CUL3: variants seen among roughly 807,000 people sequenced by gnomAD.
The protein encoded by CUL3 is cullin-3.
Under a neutral mutation model 89.1 loss-of-function variants are expected in CUL3, and 19 were observed. The observed-to-expected ratio is 0.21, with a 90% CI of 0.15 to 0.31. The LOEUF is 0.31. Ranked by LOEUF, CUL3 falls within the 10% of genes least tolerant of loss-of-function variation. The probability of loss-of-function intolerance (pLI) is 1.00; values close to 1 mark genes in which losing one functional copy is unlikely to be tolerated. For missense variants in CUL3, 469 were observed against 942.3 expected, an observed-to-expected ratio of 0.50 and a Z score of 6.58; for synonymous variants, 351 against 308.4, an observed-to-expected ratio of 1.14 and a Z score of -1.45.
At position 224,538,603 on chromosome 2, in the gene CUL3, G is replaced by A. The variant is rs539680676; in HGVS notation, c.265-2962C>T. ...TAGTACCAGAACCAAAACAGCCTATGGATTAAGTATGAACAGATAATTAAA... is the reference window on the plus strand; with the variant it reads ...TAGTACCAGAACCAAAACAGCCTATAGATTAAGTATGAACAGATAATTAAA... On this transcript the variant is annotated intron_variant, in intron 2 of 15. Coordinates refer to ENST00000264414, the MANE Select transcript of CUL3 (RefSeq NM_003590.5). 2.6e-5 allele frequency among the ~76,000 whole-genome samples: 4 copies of A among 152,212 alleles called. No homozygotes were observed. In the East Asian group the frequency reaches 7.7e-4, roughly 29 times the overall value.
chr2:224,476,960 A>G (rs1396476986), intron 15 of CUL3, among the ~76,000 whole-genome samples: 1 of 152,112 alleles, frequency 6.6e-6, no homozygotes, highest in Non-Finnish European at 1.5e-5. Context: ...TTTCCTTCTC[A>G]AGGCACTACC....
At chr2:224,531,872 T>G (rs368080943) in intron 3 of CUL3, among the ~76,000 whole-genome samples, 1 of 151,976 alleles carries the variant, frequency 6.6e-6, no homozygotes, top group African/African-American at 2.4e-5. Flanking sequence ...CTGGGAGCAA[T>G]ATGGAAAACA....
At position 224,506,028 on chromosome 2, in the gene CUL3, G is replaced by A. The variant is rs371477431; in HGVS notation, c.1134C>T (p.Leu378=). The part of the protein sequence containing the change: ...QTIAGDFEYF[L]NLNSRSPEYL... ...ATTCAGGAGACCTGGAGTTGAGGTT[G>A]AGAAAATACTCAAAGTCACCCGCAA... The change falls in exon 8 of 16, where the codon CTC becomes CTT. Residue 378 remains leucine (L), a synonymous_variant. Coordinates refer to ENST00000264414, the MANE Select transcript of CUL3 (RefSeq NM_003590.5). 42 of 1,612,450 alleles carry A rather than the reference G, an allele frequency of 2.6e-5. No homozygotes were observed. The highest frequency in any genetic ancestry group is 3.3e-5 in the Admixed American group (2 of 59,938).
At chr2:224,501,370 C>A (rs1015497077) in intron 10 of CUL3, among the ~76,000 whole-genome samples, 1 of 152,196 alleles carries the variant, frequency 6.6e-6, no homozygotes, top group Non-Finnish European at 1.5e-5. Context: ...TGAATAACTA[C>A]TTCTATGCTA....
intron 1 of CUL3, among the ~76,000 whole-genome samples, chr2:224,573,650 T>C (rs1695234844): frequency 6.6e-6 from 1 of 152,196 alleles, no homozygotes; most frequent in African/African-American, 2.4e-5. Flanking sequence ...CCCTGGCTAA[T>C]AATTTAAAAG....
intron 14 of CUL3, 103 bp from the exon 15 acceptor site, chr2:224,478,448 C>T (rs1037093375): frequency 8.1e-6 from 9 of 1,111,088 alleles, no homozygotes; most frequent in African/African-American, 1.6e-5. Context: ...AAACCAATTT[C>T]AGCCTCTGAA....
At chr2:224,538,251 T>C (rs1007625840) in intron 2 of CUL3, among the ~76,000 whole-genome samples, 1 of 152,126 alleles carries the variant, frequency 6.6e-6, no homozygotes, top group African/African-American at 2.4e-5. Flanking sequence ...GAACAAAAAA[T>C]TTTTCCTCCA....
At chr2:224,496,403 A>G (rs1049499489) in intron 12 of CUL3, among the ~76,000 whole-genome samples, 9 of 152,354 alleles carry the variant, frequency 5.9e-5, no homozygotes, top group Admixed American at 3.3e-4. Context: ...ACAAAACTAC[A>G]TAACTTATTT....
intron 2 of CUL3, among the ~76,000 whole-genome samples, chr2:224,540,222 A>T (rs1451306365): frequency 6.6e-6 from 1 of 151,910 alleles, no homozygotes; most frequent in Non-Finnish European, 1.5e-5. Flanking sequence ...ACACCTGGCT[A>T]ATTTTTGTAT....
intron 1 of CUL3, among the ~76,000 whole-genome samples, chr2:224,571,647 A>C (rs919341990): frequency 6.9e-6 from 1 of 145,452 alleles, no homozygotes; most frequent in Non-Finnish European, 1.5e-5. Flanking sequence ...ACAACTGTCA[A>C]CTCACCAAAA....
intron 7 of CUL3, among the ~76,000 whole-genome samples, 153 bp downstream of exon 7, chr2:224,506,705 A>G (rs1692615845): frequency 6.6e-6 from 1 of 152,210 alleles, no homozygotes; most frequent in African/African-American, 2.4e-5. Flanking sequence ...ACCTTGCAAA[A>G]TCCTAAAATA....
At position 224,511,593 on chromosome 2, in the gene CUL3, A is replaced by T; in HGVS notation, c.655-11T>A. Reference sequence around the variant, plus strand: ...TTTCTGGCTTTCCATCTGCCATTTAAAAATATATATATTTTTTAAACATAG... The same window carrying T: ...TTTCTGGCTTTCCATCTGCCATTTATAAATATATATATTTTTTAAACATAG... On this transcript the variant is annotated splice_polypyrimidine_tract_variant and intron_variant, in intron 5 of 15. Transcript: ENST00000264414. The T allele has an allele frequency of 7.0e-7, 1 of 1,419,352 alleles. No homozygotes were observed. The highest frequency in any genetic ancestry group is 9.7e-7 in the Non-Finnish European group (1 of 1,034,182). 87.9% of individuals were successfully genotyped at this position (1,419,352 alleles called of 1,614,324 possible).
At position 224,506,976 on chromosome 2, in the gene CUL3, C is replaced by G. The variant is rs2106206455; in HGVS notation, c.911G>C (p.Ser304Thr). 1 of 1,612,852 alleles carries G rather than the reference C, an allele frequency of 6.2e-7. No individual in the cohort carries two copies. Among genetic ancestry groups the G allele is most frequent in the Non-Finnish European group, 8.5e-7 (1 of 1,179,480 alleles). Residue 304 changes from serine to threonine, a missense_variant, in exon 7 of 16, where the codon AGT (serine) becomes ACT (threonine). This residue lies in a region of CUL3 where 370 missense variants were observed against 733.2 expected (regional missense o/e 0.50). Coordinates refer to ENST00000264414, the MANE Select transcript of CUL3 (RefSeq NM_003590.5). ...TGTTTTCAAACCATTTGGCACACGA[C>G]TAAATAACTTGTACATGCAACCAAG... Reference protein sequence around the residue: ...EDLGCMYKLFSRVPNGLKTMC... With the variant: ...EDLGCMYKLFTRVPNGLKTMC...
At chr2:224,571,459 C>T (rs79476590) in intron 1 of CUL3, among the ~76,000 whole-genome samples, 2,171 of 151,946 alleles carry the variant, frequency 0.014, 34 homozygotes, top group Non-Finnish European at 0.019. Context: ...ATTGATTGTA[C>T]CTAAATCAAT....
At chr2:224,541,265 T>A (rs950604157) in intron 2 of CUL3, among the ~76,000 whole-genome samples, 1 of 150,908 alleles carries the variant, frequency 6.6e-6, no homozygotes, top group Non-Finnish European at 1.5e-5. Context: ...GCAAATAATT[T>A]AAAAATGAGC....
intron 13 of CUL3, among the ~76,000 whole-genome samples, chr2:224,493,008 G>A (rs1449717489): frequency 1.3e-5 from 2 of 152,130 alleles, no homozygotes; most frequent in African/African-American, 2.4e-5. Context: ...CCAGCCATGT[G>A]AACCACCCTG....
At chr2:224,496,869 GA>G (rs1361509444) in intron 12 of CUL3, among the ~76,000 whole-genome samples, 15 of 151,336 alleles carry the variant, frequency 9.9e-5, no homozygotes, top group South Asian at 2.1e-4. Context: ...ATTATTTAGG[GA>G]AAAAAAACCC....
intron 13 of CUL3, among the ~76,000 whole-genome samples, chr2:224,484,482 T>C (rs996337228): frequency 2.0e-5 from 3 of 152,182 alleles, no homozygotes; most frequent in African/African-American, 7.2e-5. Context: ...ATGCTCTTTA[T>C]AGATTATGGT....
intron 13 of CUL3, among the ~76,000 whole-genome samples, chr2:224,490,512 C>T (rs921812612): frequency 6.6e-5 from 10 of 151,956 alleles, no homozygotes; most frequent in African/African-American, 1.9e-4. Context: ...TGGTAGTGGT[C>T]CCCCGGGCCC....
Sources: allele counts gnomAD v4.1 joint callset (sites outside exome capture counted in the v4.1 genomes callset), GRCh38; gene constraint gnomAD v4.1.1; regional missense constraint gnomAD v4.1.1; transcripts MANE v1.5; gene names NCBI Gene and HGNC (gene_info 2026-07-23, HGNC 2026-07-21).